The following AGBL4 variants were observed in gnomAD, a reference collection of about 807,000 sequenced individuals.
The protein encoded by AGBL4 is AGBL carboxypeptidase 4.
Under a neutral mutation model 66.4 loss-of-function variants are expected in AGBL4, and 58 were observed. The ratio of observed to expected loss-of-function variants is 0.87; its 90% confidence interval spans 0.71 to 1.09. The LOEUF is 1.09. AGBL4 is among the 50% of genes least tolerant of loss of function. AGBL4 has a pLI of 0.00. For missense variants in AGBL4, 579 were observed against 631.0 expected (o/e 0.92, Z 0.88); for synonymous variants, 234 against 222.9 (o/e 1.05, Z -0.44).
intron 4 of AGBL4, among the ~76,000 whole-genome samples, chr1:49,115,797 A>G (rs1285264443): frequency 6.6e-6 from 1 of 152,172 alleles, no homozygotes; most frequent in East Asian, 1.9e-4. Context: ...TGAAATTCAG[A>G]TAAATCTTAC....
intron 6 of AGBL4, among the ~76,000 whole-genome samples, chr1:48,814,979 T>C (rs1405692141): frequency 1.3e-5 from 2 of 152,188 alleles, no homozygotes. Flanking sequence ...AACTCCATAC[T>C]GTTCTCCACA....
chr1:49,949,579 C>A (rs1655884236), intron 1 of AGBL4, among the ~76,000 whole-genome samples: 2 of 151,698 alleles, frequency 1.3e-5, no homozygotes, highest in African/African-American at 4.8e-5. Flanking sequence ...AGAAGATATA[C>A]AACTGGCCAA....
intron 2 of AGBL4, among the ~76,000 whole-genome samples, chr1:49,730,809 C>T (rs1649385030): frequency 6.6e-6 from 1 of 152,180 alleles, no homozygotes; most frequent in Admixed American, 6.5e-5. Context: ...CATCATCCAC[C>T]CCGTGGAGAT....
rs148654246 is a variant in AGBL4, at chr1:48,797,080, G to A, written c.634+70111C>T. On this transcript the variant is annotated intron_variant, in intron 6 of 13. Coordinates refer to ENST00000371839, the MANE Select transcript of AGBL4 (RefSeq NM_032785.4). ...CCTTAAAGGCAATATGCACCCTTAC[G>A]TGAAGTTTGATGGTGTAGAGAATAG... Among the ~76,000 whole-genome samples, 1,216 of 152,260 alleles carry A rather than the reference G, an allele frequency of 8.0e-3. 9 individuals are homozygous for A. Among genetic ancestry groups the A allele is most frequent in the Non-Finnish European group, 0.013 (891 of 68,014 alleles).
chr1:48,978,540 A>G (rs1018400252), intron 5 of AGBL4, among the ~76,000 whole-genome samples: 2 of 152,212 alleles, frequency 1.3e-5, no homozygotes, highest in Admixed American at 6.5e-5. Flanking sequence ...TCTGAATCCA[A>G]TGCTGCAGAG....
intron 3 of AGBL4, among the ~76,000 whole-genome samples, chr1:49,375,362 T>C (rs1644451000): frequency 6.6e-6 from 1 of 152,058 alleles, no homozygotes; most frequent in Non-Finnish European, 1.5e-5. Flanking sequence ...ACTGGATAAA[T>C]GAATAAAACT....
intron 3 of AGBL4, among the ~76,000 whole-genome samples, chr1:49,670,232 C>T (rs1398568076): frequency 1.3e-5 from 2 of 152,144 alleles, no homozygotes; most frequent in African/African-American, 4.8e-5. Context: ...CTACTCCCAT[C>T]CCACTCCCCA....
At chr1:49,641,650 A>G (rs1457489850) in intron 3 of AGBL4, among the ~76,000 whole-genome samples, 1 of 152,054 alleles carries the variant, frequency 6.6e-6, no homozygotes, top group Non-Finnish European at 1.5e-5. Flanking sequence ...AAACTTTTAA[A>G]GAGAGTCTCT....
intron 3 of AGBL4, among the ~76,000 whole-genome samples, chr1:49,270,541 T>C (rs1311028596): frequency 6.6e-6 from 1 of 152,158 alleles, no homozygotes; most frequent in Non-Finnish European, 1.5e-5. Context: ...CTGTCACTGG[T>C]GGCTCCTCAC....
At chr1:48,616,038 A>G (rs928348861) in intron 9 of AGBL4, among the ~76,000 whole-genome samples, 2 of 152,080 alleles carry the variant, frequency 1.3e-5, no homozygotes, top group Admixed American at 1.3e-4. Flanking sequence ...TCATGATCTG[A>G]TCACCTCCTA....
chr1:49,391,528 G>A (rs1399032857), intron 3 of AGBL4, among the ~76,000 whole-genome samples: 2 of 150,362 alleles, frequency 1.3e-5, no homozygotes, highest in Non-Finnish European at 3.0e-5. Flanking sequence ...GAGAGAGCAT[G>A]AAAAATCCAG....
intron 1 of AGBL4, among the ~76,000 whole-genome samples, chr1:49,972,286 C>T (rs992252507): frequency 4.6e-5 from 7 of 151,896 alleles, no homozygotes; most frequent in African/African-American, 1.2e-4. Context: ...GAACATTGTA[C>T]CCAATTGGCA....
chr1:48,833,471 G>A (rs1646604110), intron 6 of AGBL4, among the ~76,000 whole-genome samples: 1 of 152,200 alleles, frequency 6.6e-6, no homozygotes, highest in Non-Finnish European at 1.5e-5. Flanking sequence ...TAAAATGTGA[G>A]AAGAGAGATG....
chr1:48,817,970 G>C (rs894039705), intron 6 of AGBL4: 121 of 687,666 alleles, frequency 1.8e-4, no homozygotes, highest in Non-Finnish European at 5.1e-5. Flanking sequence ...TTTGTCCAGA[G>C]CCTCAGTGAC....
At chr1:49,152,446 C>G (rs553245628) in intron 4 of AGBL4, among the ~76,000 whole-genome samples, 1 of 152,236 alleles carries the variant, frequency 6.6e-6, no homozygotes, top group South Asian at 2.1e-4. Flanking sequence ...GTCTCGCCCA[C>G]CAAGTTAGTA....
intron 3 of AGBL4, among the ~76,000 whole-genome samples, chr1:49,267,647 T>C (rs908968573): frequency 6.6e-6 from 1 of 151,940 alleles, no homozygotes; most frequent in East Asian, 1.9e-4. Flanking sequence ...ACCACTGCAC[T>C]TCAGCCTGGG....
chr1:49,395,844 T>C (rs1248591191), intron 3 of AGBL4, among the ~76,000 whole-genome samples: 2 of 83,260 alleles, frequency 2.4e-5, no homozygotes, highest in South Asian at 6.3e-4. Flanking sequence ...TATATATATA[T>C]ATATACACAC....
At chr1:48,688,773 A>C (rs1354292400) in intron 6 of AGBL4, among the ~76,000 whole-genome samples, 1 of 151,992 alleles carries the variant, frequency 6.6e-6, no homozygotes, top group African/African-American at 2.4e-5. Flanking sequence ...GAAACTCCAC[A>C]GATCCAGGAA....
intron 11 of AGBL4, among the ~76,000 whole-genome samples, chr1:48,556,311 G>A (rs1391768118): frequency 2.0e-5 from 3 of 152,166 alleles, no homozygotes; most frequent in South Asian, 2.1e-4. Flanking sequence ...CCACACCTCT[G>A]ACGGGCCAGC....
Sources: allele counts gnomAD v4.1 joint callset (sites outside exome capture counted in the v4.1 genomes callset), GRCh38; gene constraint gnomAD v4.1.1; transcripts MANE v1.5; gene names NCBI Gene and HGNC (gene_info 2026-07-23, HGNC 2026-07-21).